MICAL2: variants seen among roughly 807,000 people sequenced by gnomAD.
MICAL2 encodes microtubule associated monooxygenase, calponin and LIM domain containing 2.
MICAL2 carries 77 observed loss-of-function variants against 127.3 expected under a neutral mutation model. That is an observed-to-expected ratio of 0.60 (90% confidence interval 0.50 to 0.73). The LOEUF (loss-of-function observed/expected upper bound fraction) is 0.73. MICAL2 is among the 30% of genes least tolerant of loss of function. The pLI is 0.00. For synonymous variants in MICAL2, 570 were observed against 551.1 expected (o/e 1.03, Z -0.48); for missense variants, 1,351 against 1,434.4 (o/e 0.94, Z 0.94).
chr11:12,223,177 A>G (rs570874777), intron 11 of MICAL2, among the ~76,000 whole-genome samples: 13 of 152,308 alleles, frequency 8.5e-5, no homozygotes, highest in Admixed American at 6.5e-5. Flanking sequence ...AGCTAATTAC[A>G]TACACACAAA....
At chr11:12,293,647 A>G (rs1434941588), downstream of MICAL2, 2 of 1,614,140 alleles carry the variant, frequency 1.2e-6, no homozygotes, top group South Asian at 1.1e-5. Context: ...CCGTAGCCCA[A>G]GGAGCACCCA....
intron 32 of MICAL2, among the ~76,000 whole-genome samples, chr11:12,338,689 T>C (rs1216900256): frequency 1.3e-5 from 2 of 152,232 alleles, no homozygotes; most frequent in East Asian, 3.9e-4. Context: ...GTCTGTAAAG[T>C]ATTTTATTTC....
chr11:12,250,783 A>G (rs903102307), intron 22 of MICAL2, among the ~76,000 whole-genome samples: 2 of 152,228 alleles, frequency 1.3e-5, no homozygotes, highest in Non-Finnish European at 2.9e-5. Context: ...AGATCATCAG[A>G]TTGTCCAACT....
At chr11:12,275,450 T>C (rs1024113052), upstream of MICAL2, among the ~76,000 whole-genome samples, 14 of 152,108 alleles carry the variant, frequency 9.2e-5, no homozygotes, top group African/African-American at 2.9e-4. Flanking sequence ...CCGGGATCTT[T>C]CAGTGTTACA....
chr11:12,349,736 C>A, intron 32 of MICAL2: 1 of 1,084,552 alleles, frequency 9.2e-7, no homozygotes, highest in Non-Finnish European at 1.4e-6. Context: ...GCCTGCAGAG[C>A]CCTTGTCACT....
chr11:12,312,217 TC>T (rs1268230458), intron 29 of MICAL2, among the ~76,000 whole-genome samples: 4 of 151,988 alleles, frequency 2.6e-5, no homozygotes, highest in African/African-American at 9.7e-5. Flanking sequence ...TTCTGCTTTA[TC>T]TTTATTGTCT....
chr11:12,238,391 C>T (rs1258691789), intron 16 of MICAL2, among the ~76,000 whole-genome samples: 1 of 152,176 alleles, frequency 6.6e-6, no homozygotes, highest in African/African-American at 2.4e-5. Context: ...AATAGCATAA[C>T]CGAATGATCA....
At chr11:12,310,164 T>C (rs11022292) in intron 29 of MICAL2, among the ~76,000 whole-genome samples, 20,502 of 152,110 alleles carry the variant, frequency 0.13, 1,641 homozygotes, top group South Asian at 0.22. Context: ...TTGCTGTACA[T>C]AGGCTCTTTT....
chr11:12,361,617 G>A (rs975769011), downstream of MICAL2, among the ~76,000 whole-genome samples: 15 of 152,152 alleles, frequency 9.9e-5, no homozygotes, highest in Admixed American at 9.8e-4. Context: ...TAGGCTGCTT[G>A]GAATCAATCA....
intron 33 of MICAL2, chr11:12,349,991 G>T (rs940101707): frequency 6.6e-7 from 1 of 1,505,846 alleles, no homozygotes; most frequent in South Asian, 1.1e-5. Flanking sequence ...GGGCAAAGGG[G>T]GGTGGCTTAC....
rs114819281 is a variant in MICAL2, at chr11:12,156,929, C to T, written c.-77-5150C>T. Reference sequence around the variant, plus strand: ...TTCATCGCCAAGGAACCTGGGCCTTCCTCCAGAGCTCCTTAGTGACGTAGA... The same window carrying T: ...TTCATCGCCAAGGAACCTGGGCCTTTCTCCAGAGCTCCTTAGTGACGTAGA... On this transcript the variant is annotated intron_variant, in intron 2 of 27. Transcript: ENST00000683283. 2.9e-3 allele frequency among the ~76,000 whole-genome samples: 443 copies of T among 152,372 alleles called. 3 individuals are homozygous for T. The highest frequency in any genetic ancestry group is 1.0e-2 in the African/African-American group (414 of 41,588).
chr11:12,340,890 G>T (rs1022043216), intron 32 of MICAL2, among the ~76,000 whole-genome samples: 3 of 152,202 alleles, frequency 2.0e-5, no homozygotes, highest in African/African-American at 4.8e-5. Context: ...AAAAGGGAAA[G>T]ATTAGAATTT....
chr11:12,262,403 T>C, intron 26 of MICAL2, 77 bp from the exon 27 acceptor site: 1 of 1,603,256 alleles, frequency 6.2e-7, no homozygotes, highest in Non-Finnish European at 8.5e-7. Context: ...GTGATGTTAA[T>C]CATTTCCTTT....
intron 3 of MICAL2, among the ~76,000 whole-genome samples, chr11:12,169,652 G>A (rs1028594896): frequency 6.6e-6 from 1 of 152,172 alleles, no homozygotes. Flanking sequence ...CCAAAGTGCT[G>A]GAATTACAGG....
At chr11:12,323,234 A>G (rs913530245) in intron 30 of MICAL2, among the ~76,000 whole-genome samples, 4 of 152,226 alleles carry the variant, frequency 2.6e-5, no homozygotes, top group African/African-American at 9.7e-5. Flanking sequence ...TTTAACAAGC[A>G]CAGGTACACA....
At chr11:12,119,683 C>CTT (rs1850345434) in intron 1 of MICAL2, among the ~76,000 whole-genome samples, 1 of 152,200 alleles carries the variant, frequency 6.6e-6, no homozygotes, top group Non-Finnish European at 1.5e-5. Flanking sequence ...CTAGCTCTCC[C>CTT]TTTCCCTTTG....
intron 29 of MICAL2, among the ~76,000 whole-genome samples, chr11:12,304,686 AC>A (rs1215819420): frequency 4.7e-4 from 70 of 149,038 alleles, no homozygotes; most frequent in South Asian, 1.1e-3. Context: ...ACACACACAC[AC>A]ACACACAAAA....
chr11:12,150,680 A>G (rs1013530032), intron 2 of MICAL2, among the ~76,000 whole-genome samples: 3 of 152,262 alleles, frequency 2.0e-5, no homozygotes, highest in South Asian at 2.1e-4. Flanking sequence ...CTGTACTGGC[A>G]TCAAGTCCCA....
chr11:12,322,869 C>T (rs1864314744), intron 30 of MICAL2, among the ~76,000 whole-genome samples: 1 of 152,142 alleles, frequency 6.6e-6, no homozygotes, highest in African/African-American at 2.4e-5. Flanking sequence ...ATGTCTTTTT[C>T]AGGTATTCTA....
Sources: allele counts gnomAD v4.1 joint callset (sites outside exome capture counted in the v4.1 genomes callset), GRCh38; gene constraint gnomAD v4.1.1; transcripts MANE v1.5; gene names NCBI Gene and HGNC (gene_info 2026-07-23, HGNC 2026-07-21).